Variants in SOX5 observed in about 807,000 individuals in gnomAD.
SOX5 encodes transcription factor SOX-5.
A neutral mutation model predicts 92.0 loss-of-function variants in SOX5; 9 were observed. The observed-to-expected ratio is 0.10, with a 90% CI of 0.06 to 0.17. SOX5 has a LOEUF of 0.17. Ranked by LOEUF, SOX5 falls within the 10% of genes least tolerant of loss-of-function variation. The pLI, the probability that SOX5 is intolerant of heterozygous loss-of-function variation, is 1.00. For synonymous variants in SOX5, 344 were observed against 336.3 expected (o/e 1.02, Z -0.25); for missense variants, 642 against 944.5 (o/e 0.68, Z 4.20).
intron 2 of SOX5, among the ~76,000 whole-genome samples, chr12:24,342,532 A>T (rs1952696445): frequency 6.6e-6 from 1 of 152,256 alleles, no homozygotes; most frequent in Admixed American, 6.5e-5. Flanking sequence ...GAAACTTGAC[A>T]TAATCCTATG....
chr12:24,137,922 A>G (rs1469263379), intron 4 of SOX5, among the ~76,000 whole-genome samples: 1 of 152,218 alleles, frequency 6.6e-6, no homozygotes, highest in Non-Finnish European at 1.5e-5. Context: ...CTGATATGCT[A>G]TATCTTTTGA....
In SOX5 at chr12:24,049,638, G is replaced by GTTTTTTT. The variant is rs527647441; in HGVS notation, c.-1-153621_-1-153615dup. 2.9e-3 allele frequency among the ~76,000 whole-genome samples: 217 copies of GTTTTTTT among 73,768 alleles called. 9 individuals carry two copies. Among genetic ancestry groups the GTTTTTTT allele is most frequent in the Middle Eastern group, 0.01 (1 of 100 alleles). The allele number at this position is 73,768 out of a possible 152,430, so 48.4% of individuals were successfully genotyped here. A position where few individuals can be genotyped will look rare whatever the true frequency, so the allele number is the denominator to read the frequency against. On this transcript the variant is annotated intron_variant, in intron 4 of 4. Transcript: ENST00000446891. ...TGTTGATATTTTCCAATCCTTCATA[G>GTTTTTTT]TTTTTTTTTTTTTTTTTTTTTTTTT...
rs191087137 is a variant in SOX5, at chr12:24,156,126, G to A, written c.-2+57217C>T. 1.1e-4 allele frequency among the ~76,000 whole-genome samples: 16 copies of A among 152,208 alleles called. 1 individual carries two copies. Among genetic ancestry groups the A allele is most frequent in the Middle Eastern group, 3.4e-3 (1 of 294 alleles). On this transcript the variant is annotated intron_variant, in intron 4 of 4. Transcript: ENST00000446891. ...CTCTTCCACTGTAGGAACATGGAGC[G>A]GGAAGTGCCTGGGAGTCGGTGTTTC...
At chr12:23,724,032 C>T (rs1402758039) in intron 6 of SOX5, among the ~76,000 whole-genome samples, 1 of 151,990 alleles carries the variant, frequency 6.6e-6, no homozygotes, top group Non-Finnish European at 1.5e-5. Context: ...TTTATTTTCA[C>T]CATTTATAAA....
chr12:24,213,556 T>C (rs1281068209), intron 3 of SOX5: 4 of 151,250 alleles, frequency 2.6e-5, no homozygotes, highest in Non-Finnish European at 4.4e-5. Context: ...ATGAGATTTC[T>C]ATTGCAAAAT....
Position 24,285,550 on chromosome 12 carries a change from C to A in SOX5, c.-173-8238G>T, listed in dbSNP as rs140112397. ...CGCTATACTGGTTCTGGAAATTCTA[C>A]ATCAGTGCCTAACATCATGGAAATC... On this transcript the variant is annotated intron_variant, in intron 2 of 4. Coordinates refer to the SOX5 transcript ENST00000446891. Among the ~76,000 whole-genome samples, 13 of 152,334 alleles carry A rather than the reference C, an allele frequency of 8.5e-5. No homozygotes were observed. In the East Asian group the frequency reaches 2.5e-3, roughly 29 times the overall value.
chr12:23,596,403 T>G (rs1042772971), intron 9 of SOX5, among the ~76,000 whole-genome samples: 1 of 152,244 alleles, frequency 6.6e-6, no homozygotes, highest in African/African-American at 2.4e-5. Flanking sequence ...ATTTATACTT[T>G]GAGGCATCTC....
At chr12:23,695,998 A>C (rs577037603) in intron 6 of SOX5, among the ~76,000 whole-genome samples, 1 of 151,160 alleles carries the variant, frequency 6.6e-6, no homozygotes, top group Non-Finnish European at 1.5e-5. Context: ...ACAAAAAAAC[A>C]AAAAATATGA....
At chr12:24,133,378 C>T (rs1857703538) in intron 4 of SOX5, among the ~76,000 whole-genome samples, 1 of 152,140 alleles carries the variant, frequency 6.6e-6, no homozygotes, top group South Asian at 2.1e-4. Flanking sequence ...CCTGGAACAT[C>T]CTCTACATTT....
At chr12:23,684,687 TA>T (rs1263668307) in intron 6 of SOX5, among the ~76,000 whole-genome samples, 1 of 152,106 alleles carries the variant, frequency 6.6e-6, no homozygotes, top group Admixed American at 6.6e-5. Context: ...TTCAAAAGTG[TA>T]AGTTCAAAAC....
intron 4 of SOX5, among the ~76,000 whole-genome samples, chr12:23,987,475 T>C (rs1341400247): frequency 3.3e-5 from 5 of 152,100 alleles, no homozygotes; most frequent in Admixed American, 6.5e-5. Context: ...CAGTACAAAG[T>C]GGTCTTAGAG....
chr12:23,574,393 C>T (rs1224977497), intron 10 of SOX5, among the ~76,000 whole-genome samples: 6 of 152,184 alleles, frequency 3.9e-5, no homozygotes, highest in Admixed American at 2.0e-4. Context: ...TTCTCCCAAA[C>T]CTGCTCCAAT....
chr12:23,793,176 T>G (rs1052047070), intron 3 of SOX5, among the ~76,000 whole-genome samples: 1 of 152,186 alleles, frequency 6.6e-6, no homozygotes, highest in Non-Finnish European at 1.5e-5. Flanking sequence ...ATTTGTATAT[T>G]TTTCATCACT....
intron 1 of SOX5, among the ~76,000 whole-genome samples, chr12:24,448,354 T>C (rs1364677988): frequency 6.6e-6 from 1 of 151,884 alleles, no homozygotes; most frequent in Non-Finnish European, 1.5e-5. Flanking sequence ...CGGGTGAAAA[T>C]GGAGAGAAAA....
At chr12:24,433,090 A>C (rs564315117) in intron 1 of SOX5, among the ~76,000 whole-genome samples, 1 of 152,350 alleles carries the variant, frequency 6.6e-6, no homozygotes, top group South Asian at 2.1e-4. Context: ...CATGCTTTAA[A>C]AATTAAAATA....
At chr12:24,552,956 C>T (rs1298696826) in intron 1 of SOX5, among the ~76,000 whole-genome samples, 2 of 152,134 alleles carry the variant, frequency 1.3e-5, no homozygotes, top group South Asian at 2.1e-4. Flanking sequence ...CACTTGAGCT[C>T]GGGCAGTTGA....
chr12:24,170,116 G>A lies in SOX5; in HGVS notation c.-2+43227C>T, dbSNP rs1445031646. On this transcript the variant is annotated intron_variant, in intron 4 of 4. Coordinates refer to the SOX5 transcript ENST00000446891. Reference sequence around the variant, plus strand: ...ACCCCGCCGTTTTTCTCAGGGGCTCGTGTCAGAGTCCTTGGGAAAGGGAAA... The same window carrying A: ...ACCCCGCCGTTTTTCTCAGGGGCTCATGTCAGAGTCCTTGGGAAAGGGAAA... 3.9e-5 allele frequency among the ~76,000 whole-genome samples: 6 copies of A among 152,102 alleles called. No homozygotes were observed. In the South Asian group the frequency reaches 6.2e-4, roughly 16 times the overall value.
intron 5 of SOX5, among the ~76,000 whole-genome samples, chr12:23,737,276 T>G (rs1017031718): frequency 2.0e-5 from 3 of 152,058 alleles, no homozygotes; most frequent in Non-Finnish European, 1.5e-5. Context: ...CTGAGAGTAC[T>G]TTTTAAAATA....
At chr12:23,743,641 C>T (rs954121000) in intron 4 of SOX5, among the ~76,000 whole-genome samples, 1 of 152,118 alleles carries the variant, frequency 6.6e-6, no homozygotes, top group Non-Finnish European at 1.5e-5. Flanking sequence ...TACTTCCACA[C>T]TCAGAAAAAA....
Sources: gnomAD v4.1 joint callset for allele counts (sites outside exome capture counted in the v4.1 genomes callset) on GRCh38, gnomAD v4.1.1 for gene constraint, MANE v1.5 for transcripts, NCBI Gene and HGNC (gene_info 2026-07-23, HGNC 2026-07-21) for gene names.